Variants in SLC66A1 observed in about 807,000 individuals in gnomAD.
SLC66A1 encodes the protein lysosomal amino acid transporter 1 homolog.
In SLC66A1, 23 loss-of-function variants were observed where a neutral mutation model predicts 33.0. That is an observed-to-expected ratio of 0.70 (90% CI 0.50 to 0.99). SLC66A1 has a LOEUF of 0.99. Among genes scored for constraint, SLC66A1 ranks in the 50% least tolerant of loss-of-function variants. The pLI is 0.00. For synonymous variants in SLC66A1, 164 were observed against 175.5 expected (o/e 0.93, Z 0.52); for missense variants, 335 against 383.6 (o/e 0.87, Z 1.06).
At position 19,312,529 on chromosome 1, in the gene SLC66A1, C is replaced by A. The variant is rs966393339; in HGVS notation, c.-439C>A. On this transcript the variant is annotated 5_prime_UTR_variant, in exon 1 of 8. Coordinates refer to ENST00000375153, the MANE Select transcript of SLC66A1 (RefSeq NM_001040125.2). Reference sequence around the variant, plus strand: ...GAGGCTCCGGGCCGGGACTGGGTGGCCCTCGGGAATCCGCAGCCAGTGGCC... The same window carrying A: ...GAGGCTCCGGGCCGGGACTGGGTGGACCTCGGGAATCCGCAGCCAGTGGCC... 1 of 154,998 alleles carries A rather than the reference C, an allele frequency of 6.5e-6. No individual in the cohort carries two copies. Among genetic ancestry groups the A allele is most frequent in the African/African-American group, 2.4e-5 (1 of 41,600 alleles). 9.6% of individuals were successfully genotyped at this position (154,998 alleles called of 1,614,324 possible). A position where few individuals can be genotyped will look rare whatever the true frequency, so the allele number is the denominator to read the frequency against.
chr1:19,319,806 GGCA>G (rs2093825370), intron 2 of SLC66A1, among the ~76,000 whole-genome samples: 5 of 151,290 alleles, frequency 3.3e-5, no homozygotes, highest in Admixed American at 2.6e-4. Context: ...GGGAGGCTGA[GGCA>G]GGGGAATTGC....
chr1:19,323,638 C>T (rs2093848665), intron 2 of SLC66A1, among the ~76,000 whole-genome samples: 1 of 152,132 alleles, frequency 6.6e-6, no homozygotes, highest in African/African-American at 2.4e-5. Context: ...AACTTCTGGC[C>T]TCAAGTGATC....
At chr1:19,321,026 C>T (rs1162706280) in intron 2 of SLC66A1, among the ~76,000 whole-genome samples, 4 of 149,924 alleles carry the variant, frequency 2.7e-5, no homozygotes, top group African/African-American at 1.0e-4. Context: ...TTTTCACTTT[C>T]TTGATGGTGT....
rs935307540 is a variant in SLC66A1, at chr1:19,328,468, G to T, written c.805-104G>T. On this transcript the variant is annotated intron_variant, in intron 7 of 7. Transcript: ENST00000375153. The surrounding 1 kb of genome is among the most constrained non-coding windows in gnomAD (Gnocchi z 4.7). Reference sequence around the variant, plus strand: ...GGCCCTTCCCACCTGCAGCGTGGGGGTGGGAGGGAGGGGAGAGGGAGGCAG... The same window carrying T: ...GGCCCTTCCCACCTGCAGCGTGGGGTTGGGAGGGAGGGGAGAGGGAGGCAG... 2 of 1,054,028 alleles carry T rather than the reference G, an allele frequency of 1.9e-6. No homozygotes were observed. Among genetic ancestry groups the T allele is most frequent in the Non-Finnish European group, 2.8e-6 (2 of 704,104 alleles). 65.3% of individuals were successfully genotyped at this position (1,054,028 alleles called of 1,614,324 possible).
chr1:19,315,992 C>G (rs145522708), intron 1 of SLC66A1, among the ~76,000 whole-genome samples: 187 of 152,284 alleles, frequency 1.2e-3, no homozygotes, highest in African/African-American at 4.3e-3. Context: ...CTTGGCTCAC[C>G]GGTCCGAGCT....
intron 1 of SLC66A1, among the ~76,000 whole-genome samples, chr1:19,313,932 G>A (rs933129555): frequency 6.6e-6 from 1 of 152,178 alleles, no homozygotes; most frequent in Non-Finnish European, 1.5e-5. Context: ...GAGCAGAATC[G>A]CTGGAGGGCT....
chr1:19,320,562 T>C (rs533155422), intron 2 of SLC66A1, among the ~76,000 whole-genome samples: 173 of 151,636 alleles, frequency 1.1e-3, no homozygotes, highest in Non-Finnish European at 1.7e-3. Context: ...TACAGGCACC[T>C]GCCACCACGC....
Position 19,326,394 on chromosome 1 carries a change from C to G in SLC66A1, c.525+7C>G. On this transcript the variant is annotated splice_region_variant and intron_variant, in intron 5 of 7. Transcript: ENST00000375153. ...CGTGGAGTCGGGCAGCAAGGTGAGG[C>G]GTGGGCGTGGCGGTCGAAGGGATGG... 6.2e-7 allele frequency: 1 copy of G among 1,606,118 alleles called. No homozygotes were observed. The highest frequency in any genetic ancestry group is 1.1e-5 in the South Asian group (1 of 90,468).
chr1:19,313,698 C>T (rs1011211327), intron 1 of SLC66A1, among the ~76,000 whole-genome samples: 3 of 152,172 alleles, frequency 2.0e-5, no homozygotes, highest in Non-Finnish European at 2.9e-5. Flanking sequence ...TGACTGAAGA[C>T]GTGGGTCAGG....
chr1:19,313,277 CTTCCTTTCTCCT>C (rs781121647), intron 1 of SLC66A1: 98 of 983,192 alleles, frequency 1.0e-4, no homozygotes, highest in Admixed American at 3.1e-4. Flanking sequence ...GCTTTCTCCC[CTTCCTTTCTCCT>C]TTCCTTCCTC....
At chr1:19,316,394 T>TGTGTGTG in intron 1 of SLC66A1, among the ~76,000 whole-genome samples, 5 of 147,978 alleles carry the variant, frequency 3.4e-5, no homozygotes, top group South Asian at 2.2e-4. Flanking sequence ...TGTGTGTGTG[T>TGTGTGTG]TTTCTTTTAA....
At chr1:19,313,890 C>G (rs940769453) in intron 1 of SLC66A1, among the ~76,000 whole-genome samples, 1 of 152,170 alleles carries the variant, frequency 6.6e-6, no homozygotes, top group Non-Finnish European at 1.5e-5. Context: ...GATGTCATCT[C>G]CAGCCCAACC....
chr1:19,316,189 C>CT (rs1444650424), intron 1 of SLC66A1, among the ~76,000 whole-genome samples: 2 of 152,182 alleles, frequency 1.3e-5, no homozygotes, highest in Non-Finnish European at 2.9e-5. Flanking sequence ...GGGGAGGTGG[C>CT]TGTGGACTCC....
Position 19,317,671 on chromosome 1 carries a change from C to T in SLC66A1, c.-7C>T. On this transcript the variant is annotated 5_prime_UTR_variant, in exon 2 of 8. Coordinates refer to ENST00000375153, the MANE Select transcript of SLC66A1 (RefSeq NM_001040125.2). Reference sequence around the variant, plus strand: ...CCTGCCTGGCCGGGGGCCCCTCCTCCACAGCCATGGTCTGGAAGAAACTGG... The same window carrying T: ...CCTGCCTGGCCGGGGGCCCCTCCTCTACAGCCATGGTCTGGAAGAAACTGG... 2 of 1,613,716 alleles carry T rather than the reference C, an allele frequency of 1.2e-6. No homozygotes were observed. Among genetic ancestry groups the T allele is most frequent in the Non-Finnish European group, 1.7e-6 (2 of 1,179,714 alleles).
intron 5 of SLC66A1, 43 bp downstream of exon 5, chr1:19,326,430 A>G (rs2152014285): frequency 2.5e-6 from 4 of 1,606,972 alleles, no homozygotes; most frequent in Non-Finnish European, 3.4e-6. Flanking sequence ...AGGCTGGCTC[A>G]TCCCCAGGGC....
At chr1:19,318,787 A>G (rs1322778937) in intron 2 of SLC66A1, among the ~76,000 whole-genome samples, 2 of 57,808 alleles carry the variant, frequency 3.5e-5, no homozygotes, top group African/African-American at 1.6e-4. Flanking sequence ...CATCTCTACC[A>G]AAAAAAAAAA....
chr1:19,325,218 C>A (rs1402189816), intron 3 of SLC66A1, among the ~76,000 whole-genome samples: 2 of 152,240 alleles, frequency 1.3e-5, no homozygotes, highest in Admixed American at 1.3e-4. Context: ...GCCATCACTT[C>A]ACCGCGGAGT....
At chr1:19,318,461 T>C (rs1162672190) in intron 2 of SLC66A1, among the ~76,000 whole-genome samples, 1 of 152,238 alleles carries the variant, frequency 6.6e-6, no homozygotes, top group Non-Finnish European at 1.5e-5. Context: ...CATGGAAATA[T>C]TGTTACCTAA....
intron 2 of SLC66A1, among the ~76,000 whole-genome samples, chr1:19,319,095 G>C (rs1029810516): frequency 1.3e-5 from 2 of 152,238 alleles, no homozygotes; most frequent in African/African-American, 4.8e-5. Flanking sequence ...TAAAGACAAG[G>C]GTTTGATCAG....
Sources: gnomAD v4.1 joint callset for allele counts (sites outside exome capture counted in the v4.1 genomes callset) on GRCh38, gnomAD v4.1.1 for gene constraint, Gnocchi (gnomAD v3.1) non-coding constraint, MANE v1.5 for transcripts, NCBI Gene and HGNC (gene_info 2026-07-23, HGNC 2026-07-21) for gene names.